Variants in NCKAP5 observed in about 807,000 individuals in gnomAD.
NCKAP5 encodes the protein NCK associated protein 5, also known as nck-associated protein 5.
In NCKAP5, 92 loss-of-function variants were observed where a neutral mutation model predicts 167.0. The ratio of observed to expected loss-of-function variants is 0.55; its 90% confidence interval spans 0.47 to 0.66. The LOEUF (loss-of-function observed/expected upper bound fraction) is 0.66, where lower values mean the gene tolerates loss of function less well. Ranked by LOEUF, NCKAP5 falls within the 30% of genes least tolerant of loss-of-function variation. The probability of loss-of-function intolerance (pLI) is 0.00; values close to 1 mark genes in which losing one functional copy is unlikely to be tolerated. For synonymous variants in NCKAP5, 891 were observed against 877.4 expected, an observed-to-expected ratio of 1.02 and a Z score of -0.27; for missense variants, 2,378 against 2,315.0, an observed-to-expected ratio of 1.03 and a Z score of -0.56.
chr2:132,711,830 TC>T (rs1287550896), intron 19 of NCKAP5, among the ~76,000 whole-genome samples: 2 of 152,142 alleles, frequency 1.3e-5, no homozygotes, highest in East Asian at 3.8e-4. Context: ...CTCCCTTCCT[TC>T]CTTCTCCATT....
At chr2:133,443,600 G>A (rs183488575) in intron 3 of NCKAP5, among the ~76,000 whole-genome samples, 1 of 152,244 alleles carries the variant, frequency 6.6e-6, no homozygotes, top group East Asian at 1.9e-4. Context: ...CCTTTGAGCT[G>A]CCCGCAGCCG....
chr2:133,291,017 G>A (rs1370736461), intron 4 of NCKAP5, among the ~76,000 whole-genome samples: 1 of 152,118 alleles, frequency 6.6e-6, no homozygotes, highest in Non-Finnish European at 1.5e-5. Flanking sequence ...ACCATGCTTG[G>A]ACAGTTTCTC....
intron 2 of NCKAP5, among the ~76,000 whole-genome samples, chr2:133,547,219 A>G (rs376517905): frequency 3.2e-4 from 48 of 152,252 alleles, no homozygotes; most frequent in African/African-American, 1.1e-3. Flanking sequence ...CCTGGCTCGG[A>G]GGGTCCTACG....
intron 4 of NCKAP5, among the ~76,000 whole-genome samples, chr2:133,242,327 T>C (rs1249944767): frequency 6.6e-6 from 1 of 151,474 alleles, no homozygotes; most frequent in African/African-American, 2.4e-5. Flanking sequence ...CATTCTACTA[T>C]AATGAAAGAC....
intron 6 of NCKAP5, among the ~76,000 whole-genome samples, chr2:133,036,602 T>C (rs1156495555): frequency 6.6e-6 from 1 of 152,048 alleles, no homozygotes; most frequent in East Asian, 1.9e-4. Context: ...GAAAAAGCAT[T>C]TGATATAATT....
At chr2:133,050,986 T>G (rs1393100592) in intron 6 of NCKAP5, among the ~76,000 whole-genome samples, 1 of 152,254 alleles carries the variant, frequency 6.6e-6, no homozygotes, top group Non-Finnish European at 1.5e-5. Flanking sequence ...GCTGTTGGAA[T>G]CATTAAAATT....
intron 11 of NCKAP5, among the ~76,000 whole-genome samples, chr2:132,859,441 C>T (rs187288125): frequency 7.9e-5 from 12 of 152,286 alleles, no homozygotes; most frequent in East Asian, 3.9e-4. Flanking sequence ...ATGTTGTCCA[C>T]GTGTGCTGTC....
intron 16 of NCKAP5, among the ~76,000 whole-genome samples, chr2:132,758,830 T>C (rs373214507): frequency 6.6e-6 from 1 of 152,162 alleles, no homozygotes; most frequent in East Asian, 1.9e-4. Context: ...ATGGTGTTTT[T>C]AACTTAAAAA....
At chr2:133,643,291 C>T in the NCKAP5 span, among the ~76,000 whole-genome samples, 1 of 152,196 alleles carries the variant, frequency 6.6e-6, no homozygotes, top group African/African-American at 2.4e-5. Flanking sequence ...ACTCTAAACT[C>T]AGTAGGAAAG....
chr2:133,471,274 T>G (rs1408637821), intron 3 of NCKAP5, among the ~76,000 whole-genome samples: 1 of 152,186 alleles, frequency 6.6e-6, no homozygotes, highest in Non-Finnish European at 1.5e-5. Flanking sequence ...AACAGCCACT[T>G]TACTCCTGCT....
chr2:133,162,556 GA>G (rs758563061), intron 5 of NCKAP5, among the ~76,000 whole-genome samples: 2 of 152,104 alleles, frequency 1.3e-5, no homozygotes, highest in African/African-American at 2.4e-5. Flanking sequence ...ATAATCTACA[GA>G]AGCCCTAAAT....
intron 3 of NCKAP5, among the ~76,000 whole-genome samples, chr2:133,318,998 C>A (rs564928886): frequency 1.1e-4 from 17 of 152,180 alleles, no homozygotes; most frequent in African/African-American, 3.9e-4. Context: ...TTCCCCAGGC[C>A]CACTGAACTC....
intron 13 of NCKAP5, among the ~76,000 whole-genome samples, chr2:132,789,351 T>A (rs1683860752): frequency 6.6e-6 from 1 of 152,188 alleles, no homozygotes; most frequent in South Asian, 2.1e-4. Context: ...TGCAGCAGGC[T>A]CTGTACTTTG....
At chr2:132,895,719 C>G (rs1289245029) in intron 8 of NCKAP5, among the ~76,000 whole-genome samples, 2 of 149,044 alleles carry the variant, frequency 1.3e-5, no homozygotes, top group African/African-American at 4.9e-5. Context: ...AAAGAGACAT[C>G]TGTTGCTAGC....
chr2:132,754,706 C>A (rs751123877), intron 16 of NCKAP5, among the ~76,000 whole-genome samples: 1 of 152,194 alleles, frequency 6.6e-6, no homozygotes, highest in African/African-American at 2.4e-5. Context: ...AATTTGGGAA[C>A]TACTAAGGCA....
At chr2:132,764,591 C>CA (rs1488590582) in intron 16 of NCKAP5, among the ~76,000 whole-genome samples, 1 of 152,186 alleles carries the variant, frequency 6.6e-6, no homozygotes, top group Non-Finnish European at 1.5e-5. Context: ...CTGAACCATA[C>CA]AAAATCACAC....
chr2:133,042,878 T>C (rs1477084681), intron 6 of NCKAP5, among the ~76,000 whole-genome samples: 2 of 152,190 alleles, frequency 1.3e-5, no homozygotes, highest in South Asian at 2.1e-4. Context: ...GGAGAAACCC[T>C]AGATTGTACA....
intron 11 of NCKAP5, among the ~76,000 whole-genome samples, chr2:132,796,941 C>T (rs1222097121): frequency 6.6e-6 from 1 of 151,978 alleles, no homozygotes; most frequent in Non-Finnish European, 1.5e-5. Flanking sequence ...AATAGTGATG[C>T]TTTTACAGTC....
rs1691072597 is a variant in NCKAP5 at position 132,732,067 on chromosome 2, A to G, written c.5129-16T>C. On this transcript the variant is annotated splice_polypyrimidine_tract_variant and intron_variant, in intron 16 of 19. Transcript: ENST00000409261. ...CAGTTGGATTCTGAGATAGAGAGAC[A>G]GAGAGAGAAGGGAATAGAGAAGGCT... is the stretch of plus-strand genomic sequence containing the variant. 1 of 1,595,222 alleles carries G rather than the reference A, an allele frequency of 6.3e-7. No homozygotes were observed. Among genetic ancestry groups the G allele is most frequent in the Non-Finnish European group, 8.6e-7 (1 of 1,168,558 alleles).
Sources: allele counts gnomAD v4.1 joint callset (sites outside exome capture counted in the v4.1 genomes callset), GRCh38; gene constraint gnomAD v4.1.1; transcripts MANE v1.5; gene names NCBI Gene and HGNC (gene_info 2026-07-23, HGNC 2026-07-21).